Variants in CAMK1D observed in about 807,000 individuals in gnomAD.
CAMK1D encodes the protein calcium/calmodulin-dependent protein kinase type 1D.
A neutral mutation model predicts 47.7 loss-of-function variants in CAMK1D; 9 were observed. The ratio of observed to expected loss-of-function variants is 0.19; its 90% CI spans 0.11 to 0.33. The LOEUF (loss-of-function observed/expected upper bound fraction) is 0.33. Ranked by LOEUF, CAMK1D falls within the 10% of genes least tolerant of loss-of-function variation. CAMK1D has a pLI of 1.00. For missense variants in CAMK1D, 291 were observed against 488.7 expected (o/e 0.60, Z 3.81); for synonymous variants, 184 against 184.9 (o/e 0.99, Z 0.04).
intron 6 of CAMK1D, among the ~76,000 whole-genome samples, chr10:12,810,686 G>A (rs902173348): frequency 3.9e-5 from 6 of 152,136 alleles, no homozygotes; most frequent in African/African-American, 9.7e-5. Flanking sequence ...CAAACCAAAC[G>A]CCCCACAGAG....
chr10:12,815,274 C>T (rs1045542854), intron 7 of CAMK1D, among the ~76,000 whole-genome samples: 1 of 152,194 alleles, frequency 6.6e-6, no homozygotes, highest in Non-Finnish European at 1.5e-5. Context: ...AGTTTTCTCG[C>T]TGGTAAGATG....
At chr10:12,604,796 C>G (rs1027735459) in intron 2 of CAMK1D, among the ~76,000 whole-genome samples, 1 of 152,156 alleles carries the variant, frequency 6.6e-6, no homozygotes. Flanking sequence ...TATGAAGCAT[C>G]TTTAAACTTA....
At chr10:12,396,773 G>A (rs949467967) in intron 1 of CAMK1D, among the ~76,000 whole-genome samples, 2 of 152,154 alleles carry the variant, frequency 1.3e-5, no homozygotes, top group South Asian at 2.1e-4. Context: ...TTCCAGCCAC[G>A]TAGGCTCCCC....
intron 1 of CAMK1D, among the ~76,000 whole-genome samples, chr10:12,401,829 A>G (rs1184987718): frequency 6.6e-6 from 1 of 151,886 alleles, no homozygotes; most frequent in Non-Finnish European, 1.5e-5. Flanking sequence ...AGGCATGTAT[A>G]GGGGAGTAGT....
chr10:12,747,359 G>A (rs935928749), intron 3 of CAMK1D, among the ~76,000 whole-genome samples: 1 of 152,212 alleles, frequency 6.6e-6, no homozygotes, highest in Non-Finnish European at 1.5e-5. Flanking sequence ...AGGCTGGAGT[G>A]GAGTGCTGCA....
chr10:12,688,849 C>T lies in CAMK1D; in HGVS notation c.299+22039C>T, dbSNP rs572722326. Among the ~76,000 whole-genome samples, 13 of 152,200 alleles carry T rather than the reference C, an allele frequency of 8.5e-5. No individual in the cohort carries two copies. The East Asian group carries it at 2.5e-3, about 29-fold the overall frequency. On this transcript the variant is annotated intron_variant, in intron 3 of 10. Transcript: ENST00000619168. The stretch of plus-strand genomic sequence containing the variant: ...CAGGTGCCCTCCACCATGCCCGACT[C>T]ATTTTTGTATTTTAGTAGAGCCAGG...
intron 2 of CAMK1D, among the ~76,000 whole-genome samples, chr10:12,610,827 T>C (rs1387295756): frequency 1.3e-5 from 2 of 152,216 alleles, no homozygotes; most frequent in Non-Finnish European, 2.9e-5. Flanking sequence ...CCCTGTCTTA[T>C]TGTTGGTGAA....
At chr10:12,482,255 G>C (rs1191768644) in intron 1 of CAMK1D, among the ~76,000 whole-genome samples, 1 of 152,170 alleles carries the variant, frequency 6.6e-6, no homozygotes, top group Non-Finnish European at 1.5e-5. Flanking sequence ...TTTGCAGACT[G>C]TGCCCAGCAG....
intron 3 of CAMK1D, among the ~76,000 whole-genome samples, chr10:12,709,231 A>C (rs900485047): frequency 6.6e-6 from 1 of 152,166 alleles, no homozygotes; most frequent in Non-Finnish European, 1.5e-5. Flanking sequence ...AAAAACAAAA[A>C]GGCCTTGTGG....
At chr10:12,529,549 CGACCA>C (rs1564393917) in intron 1 of CAMK1D, among the ~76,000 whole-genome samples, 2 of 152,150 alleles carry the variant, frequency 1.3e-5, no homozygotes, top group African/African-American at 4.8e-5. Context: ...TGATTTATAT[CGACCA>C]TGAGTTTGCT....
intron 3 of CAMK1D, among the ~76,000 whole-genome samples, chr10:12,702,261 C>T (rs1833550112): frequency 6.6e-6 from 1 of 152,184 alleles, no homozygotes; most frequent in Non-Finnish European, 1.5e-5. Context: ...TTTGTCTAAG[C>T]TCTGAGGTCA....
Position 12,553,317 on chromosome 10 carries a change from A to G in CAMK1D, c.185A>G (p.Lys62Arg). 1 of 1,614,156 alleles carries G rather than the reference A, an allele frequency of 6.2e-7. No individual in the cohort carries two copies. Among genetic ancestry groups the G allele is most frequent in the Non-Finnish European group, 8.5e-7 (1 of 1,180,008 alleles). The change falls in exon 2 of 11, where the codon AAG becomes AGG. Residue 62 changes from lysine (K) to arginine (R), a missense_variant. Coordinates refer to ENST00000619168, the MANE Select transcript of CAMK1D (RefSeq NM_153498.4). The stretch of plus-strand genomic sequence containing the variant: ...ATCCCTAAGAAGGCGCTGAAGGGCA[A>G]GGAAAGCAGCATAGAGAATGAGATA... ...KCIPKKALKG[K>R]ESSIENEIAV...
intron 2 of CAMK1D, among the ~76,000 whole-genome samples, chr10:12,640,038 G>C (rs1019370590): frequency 1.3e-5 from 2 of 152,162 alleles, no homozygotes; most frequent in East Asian, 3.8e-4. Flanking sequence ...GTTCTACGAA[G>C]CTCCCCTTTT....
At chr10:12,567,406 A>C (rs1837158717) in intron 2 of CAMK1D, among the ~76,000 whole-genome samples, 1 of 152,182 alleles carries the variant, frequency 6.6e-6, no homozygotes, top group Non-Finnish European at 1.5e-5. Context: ...GAGGGATGGC[A>C]TAGAGTGGGG....
chr10:12,432,763 C>A (rs1241119446), intron 1 of CAMK1D, among the ~76,000 whole-genome samples: 1 of 152,210 alleles, frequency 6.6e-6, no homozygotes, highest in Non-Finnish European at 1.5e-5. Flanking sequence ...CCTGAAGATT[C>A]CCCATTGTCC....
intron 3 of CAMK1D, among the ~76,000 whole-genome samples, chr10:12,747,862 G>A (rs566893657): frequency 6.6e-6 from 1 of 152,146 alleles, no homozygotes; most frequent in South Asian, 2.1e-4. Context: ...CCTCATATTC[G>A]GGGTGGGGGA....
intron 1 of CAMK1D, among the ~76,000 whole-genome samples, chr10:12,411,162 C>T (rs928850790): frequency 1.3e-5 from 2 of 152,206 alleles, no homozygotes; most frequent in African/African-American, 4.8e-5. Context: ...CCTGGGTGCC[C>T]ACTAACCATC....
intron 1 of CAMK1D, among the ~76,000 whole-genome samples, chr10:12,373,022 C>A (rs1204547004): frequency 6.6e-6 from 1 of 152,196 alleles, no homozygotes; most frequent in African/African-American, 2.4e-5. Context: ...TGACCCACTT[C>A]CCGGGTGGCC....
chr10:12,436,224 G>A (rs1297314958), intron 1 of CAMK1D, among the ~76,000 whole-genome samples: 1 of 152,208 alleles, frequency 6.6e-6, no homozygotes, highest in South Asian at 2.1e-4. Context: ...GGCTTCACAT[G>A]TGTGCCCAGG....
Sources: gnomAD v4.1 joint callset for allele counts (sites outside exome capture counted in the v4.1 genomes callset) on GRCh38, gnomAD v4.1.1 for gene constraint, MANE v1.5 for transcripts, NCBI Gene and HGNC (gene_info 2026-07-23, HGNC 2026-07-21) for gene names.